PUS7L: variants seen among roughly 807,000 people sequenced by gnomAD.
PUS7L encodes pseudouridylate synthase PUS7L.
Under a neutral mutation model 51.1 loss-of-function variants are expected in PUS7L, and 49 were observed. The ratio of observed to expected loss-of-function variants is 0.96; its 90% CI spans 0.76 to 1.22. The LOEUF (loss-of-function observed/expected upper bound fraction) is 1.22. Among genes scored for constraint, PUS7L ranks in the 50% most tolerant of loss-of-function variants. The pLI is 0.00. For synonymous variants in PUS7L, 277 were observed against 276.2 expected (o/e 1.00, Z -0.03); for missense variants, 828 against 820.6 (o/e 1.01, Z -0.11).
intron 2 of PUS7L, among the ~76,000 whole-genome samples, chr12:43,751,669 T>C (rs1464096398): frequency 1.3e-5 from 2 of 152,206 alleles, no homozygotes; most frequent in Admixed American, 1.3e-4. Context: ...CGTGTGCATG[T>C]GTCTTTATAG....
intron 1 of PUS7L, 65 bp downstream of exon 1, chr12:43,758,665 C>CCACACA: frequency 3.6e-6 from 2 of 562,698 alleles, no homozygotes; most frequent in Non-Finnish European, 4.0e-6. Context: ...CCCCCCCCCC[C>CCACACA]CACACACACA....
intron 2 of PUS7L, among the ~76,000 whole-genome samples, chr12:43,749,703 A>C (rs1016736249): frequency 1.3e-5 from 2 of 152,154 alleles, no homozygotes; most frequent in African/African-American, 4.8e-5. Flanking sequence ...ACACCATGAA[A>C]TACTACACAG....
At chr12:43,737,826 CT>C (rs1310379286) in intron 6 of PUS7L, among the ~76,000 whole-genome samples, 1 of 152,128 alleles carries the variant, frequency 6.6e-6, no homozygotes, top group African/African-American at 2.4e-5. Flanking sequence ...CTCATAACCA[CT>C]TTTCCTTAGT....
rs1425392187 is a variant in PUS7L at position 43,724,355 on chromosome 12, T to C, written c.*6021A>G. 4 of 151,758 alleles carry C rather than the reference T, an allele frequency of 2.6e-5. No homozygotes were observed. The highest frequency in any genetic ancestry group is 4.4e-5 in the Non-Finnish European group (3 of 67,870). The allele number at this position is 151,758 out of a possible 1,614,324, so 9.4% of individuals were successfully genotyped here. A position where few individuals can be genotyped will look rare whatever the true frequency, so the allele number is the denominator to read the frequency against. On this transcript the variant is annotated 3_prime_UTR_variant, in exon 9 of 9. Coordinates refer to ENST00000344862, the MANE Select transcript of PUS7L (RefSeq NM_031292.5). ...TACTTTATGCTAAAACTAAGTCAGA[T>C]CAGACCTCAATGGAAAGTCATTAAC...
chr12:43,742,186 CT>C (rs1937934047), intron 5 of PUS7L, among the ~76,000 whole-genome samples: 1 of 152,154 alleles, frequency 6.6e-6, no homozygotes, highest in African/African-American at 2.4e-5. Flanking sequence ...TCTAAATCTT[CT>C]ATTCAGTTCA....
At position 43,728,531 on chromosome 12, in the gene PUS7L, G is replaced by A. The variant is rs1944486033; in HGVS notation, c.*1845C>T. 6.6e-6 allele frequency: 1 copy of A among 151,494 alleles called. No homozygotes were observed. The highest frequency in any genetic ancestry group is 2.4e-5 in the African/African-American group (1 of 41,218). The allele number at this position is 151,494 out of a possible 1,614,324, so 9.4% of individuals were successfully genotyped here. ...TAAATTTTTTTTACTACCTAATAGA[G>A]GATCACTTCATTCTCAATATAACAT... On this transcript the variant is annotated 3_prime_UTR_variant, in exon 9 of 9. Coordinates refer to ENST00000344862, the MANE Select transcript of PUS7L (RefSeq NM_031292.5).
chr12:43,752,313 A>G (rs138653339), intron 2 of PUS7L, among the ~76,000 whole-genome samples: 1 of 152,348 alleles, frequency 6.6e-6, no homozygotes, highest in East Asian at 1.9e-4. Flanking sequence ...ACAGCATAGC[A>G]GCTGGCTTTC....
chr12:43,743,036 G>A (rs1452658853), intron 4 of PUS7L, among the ~76,000 whole-genome samples: 2 of 152,110 alleles, frequency 1.3e-5, no homozygotes, highest in Non-Finnish European at 2.9e-5. Context: ...GTTCATCTCA[G>A]TTTCTTAAAG....
intron 6 of PUS7L, among the ~76,000 whole-genome samples, chr12:43,737,531 C>A (rs1159303510): frequency 6.6e-6 from 1 of 151,124 alleles, no homozygotes; most frequent in Non-Finnish European, 1.5e-5. Flanking sequence ...CTGAATGAAT[C>A]TGAAATGGTG....
At chr12:43,744,467 GA>G (rs1424958149) in intron 4 of PUS7L, among the ~76,000 whole-genome samples, 2 of 152,218 alleles carry the variant, frequency 1.3e-5, no homozygotes, top group African/African-American at 4.8e-5. Flanking sequence ...ACCCTGTGAA[GA>G]GGTGCCTTCT....
Position 43,727,169 on chromosome 12 carries a change from TAA to T in PUS7L, c.*3205_*3206del, listed in dbSNP as rs1218172755. The T allele has an allele frequency of 2.0e-5, 3 of 152,080 alleles. No homozygotes were observed. Among genetic ancestry groups the T allele is most frequent in the Non-Finnish European group, 4.4e-5 (3 of 68,014 alleles). 9.4% of individuals were successfully genotyped at this position (152,080 alleles called of 1,614,324 possible). On this transcript the variant is annotated 3_prime_UTR_variant, in exon 9 of 9. Coordinates refer to ENST00000344862, the MANE Select transcript of PUS7L (RefSeq NM_031292.5). ...TCACACCAGTCAGAATGGCTGTTAT[TAA>T]AAAGTCAAAAAATAACAGATGTTGG...
rs1944376030 is a variant in PUS7L at position 43,719,829 on chromosome 12, G to C, written c.*10547C>G. 1 of 152,028 alleles carries C rather than the reference G, an allele frequency of 6.6e-6. No individual in the cohort carries two copies. The highest frequency in any genetic ancestry group is 1.9e-4 in the East Asian group (1 of 5,196). The allele number at this position is 152,028 out of a possible 1,614,324, so 9.4% of individuals were successfully genotyped here. A position where few individuals can be genotyped will look rare whatever the true frequency, so the allele number is the denominator to read the frequency against. On this transcript the variant is annotated 3_prime_UTR_variant, in exon 9 of 9. Coordinates refer to ENST00000344862, the MANE Select transcript of PUS7L (RefSeq NM_031292.5). ...TCCTTTCCAATTATGATATTGGTTA[G>C]TTGTAACTGCATTATTTCCATCAGT...
chr12:43,736,668 C>T lies in PUS7L; in HGVS notation c.1445-7G>A. ...AGTGTGCCTTTAGCATCCTCTGAAA[C>T]AAAGGGTAAATCAGGTATAGTTAGC... is the stretch of plus-strand genomic sequence containing the variant. On this transcript the variant is annotated splice_polypyrimidine_tract_variant and splice_region_variant and intron_variant, in intron 6 of 8. Coordinates refer to ENST00000344862, the MANE Select transcript of PUS7L (RefSeq NM_031292.5). 1 of 1,611,420 alleles carries T rather than the reference C, an allele frequency of 6.2e-7. No homozygotes were observed. The highest frequency in any genetic ancestry group is 8.5e-7 in the Non-Finnish European group (1 of 1,178,192).
Position 43,755,059 on chromosome 12 carries a change from C to T in PUS7L, c.187G>A (p.Glu63Lys), listed in dbSNP as rs1201534606. 6.2e-7 allele frequency: 1 copy of T among 1,613,438 alleles called. No homozygotes were observed. Residue 63 changes from glutamate to lysine, a missense_variant, in exon 2 of 9, where the codon GAG (glutamate) becomes AAG (lysine). Glu to Lys is a moderately conservative substitution (Grantham distance 56). Coordinates refer to ENST00000344862, the MANE Select transcript of PUS7L (RefSeq NM_031292.5). ...PIFKISEIQL[E>K]PNNFPKKPKL... ...GGTTTTTTGGGAAAATTATTTGGCT[C>T]AAGTTGTATTTCACTAATCTTGAAA...
At position 43,730,395 on chromosome 12, in the gene PUS7L, A is replaced by G. The variant is rs1403521735; in HGVS notation, c.2087T>C (p.Ile696Thr). The G allele has an allele frequency of 1.2e-6, 2 of 1,613,178 alleles. No individual in the cohort carries two copies. The highest frequency in any genetic ancestry group is 1.7e-6 in the Non-Finnish European group (2 of 1,179,468). ...SCYATVCLKE[I>T]MKHDV ...TCAGTTTTAAACGTCATGCTTCATTATTTCCTTCAGACAAACGGTAGCATA... is the reference window on the plus strand; with the variant it reads ...TCAGTTTTAAACGTCATGCTTCATTGTTTCCTTCAGACAAACGGTAGCATA... The change falls in exon 9 of 9, where the codon ATA becomes ACA. Residue 696 changes from isoleucine (I) to threonine (T), a missense_variant. Transcript: ENST00000344862.
chr12:43,746,328 C>A, intron 3 of PUS7L, 90 bp from the exon 4 acceptor site: 1 of 556,038 alleles, frequency 1.8e-6, no homozygotes, highest in South Asian at 2.8e-5. Flanking sequence ...GCCAAGCAAC[C>A]CCTTATATGA....
Position 43,738,293 on chromosome 12 carries a change from TA to T in PUS7L, c.1444+16del. Reference sequence around the variant, plus strand: ...TGTATCTGCATGGTTATGTACAGGATAAAGAAACGTAAATACCAGTTTGAAG... The same window carrying T: ...TGTATCTGCATGGTTATGTACAGGATAAGAAACGTAAATACCAGTTTGAAG... On this transcript the variant is annotated intron_variant, in intron 6 of 8. Transcript: ENST00000344862. The T allele has an allele frequency of 7.6e-7, 1 of 1,310,200 alleles. No homozygotes were observed. The highest frequency in any genetic ancestry group is 1.1e-6 in the Non-Finnish European group (1 of 903,390). The allele number at this position is 1,310,200 out of a possible 1,614,324, so 81.2% of individuals were successfully genotyped here. A position where few individuals can be genotyped will look rare whatever the true frequency, so the allele number is the denominator to read the frequency against.
intron 7 of PUS7L, among the ~76,000 whole-genome samples, chr12:43,733,089 CA>C (rs1254325198): frequency 1.3e-5 from 2 of 152,114 alleles, no homozygotes; most frequent in Non-Finnish European, 2.9e-5. Flanking sequence ...CATGAACAAA[CA>C]TGCTTTCCTT....
intron 2 of PUS7L, among the ~76,000 whole-genome samples, chr12:43,751,902 T>C (rs2137750700): frequency 6.6e-6 from 1 of 152,342 alleles, no homozygotes; most frequent in African/African-American, 2.4e-5. Flanking sequence ...TTCTAACTGG[T>C]GTGAGATGAT....
Sources: allele counts gnomAD v4.1 joint callset (sites outside exome capture counted in the v4.1 genomes callset), GRCh38; gene constraint gnomAD v4.1.1; transcripts MANE v1.5; gene names NCBI Gene and HGNC (gene_info 2026-07-23, HGNC 2026-07-21).